INPP4B: variants seen among roughly 807,000 people sequenced by gnomAD.
The protein encoded by INPP4B is inositol polyphosphate 4-phosphatase type II.
In INPP4B, 55 loss-of-function variants were observed where a neutral mutation model predicts 122.5. The ratio of observed to expected loss-of-function variants is 0.45; its 90% CI spans 0.36 to 0.56. The LOEUF (loss-of-function observed/expected upper bound fraction) is 0.56, where lower values mean the gene tolerates loss of function less well. INPP4B is among the 20% of genes least tolerant of loss of function. The pLI is 0.00. For missense variants in INPP4B, 1,000 were observed against 1,097.7 expected (o/e 0.91, Z 1.26); for synonymous variants, 403 against 388.7 (o/e 1.04, Z -0.43).
chr4:142,607,078 T>C (rs193283355), intron 2 of INPP4B, among the ~76,000 whole-genome samples: 2 of 152,034 alleles, frequency 1.3e-5, no homozygotes, highest in Admixed American at 1.3e-4. Flanking sequence ...ACATATATGG[T>C]ATTATAATGA....
chr4:142,597,614 G>A (rs1446586332), intron 2 of INPP4B, among the ~76,000 whole-genome samples: 1 of 152,114 alleles, frequency 6.6e-6, no homozygotes, highest in African/African-American at 2.4e-5. Flanking sequence ...CAGACATGCT[G>A]CATATAAATC....
intron 18 of INPP4B, among the ~76,000 whole-genome samples, chr4:142,136,160 C>A (rs893641984): frequency 1.9e-4 from 29 of 152,094 alleles, no homozygotes; most frequent in Non-Finnish European, 2.9e-5. Context: ...GAGTACAGAG[C>A]CTCAAAGGCA....
intron 12 of INPP4B, among the ~76,000 whole-genome samples, chr4:142,230,732 A>G (rs2149838682): frequency 6.6e-6 from 1 of 151,934 alleles, no homozygotes; most frequent in Admixed American, 6.6e-5. Flanking sequence ...TCTTTTATAA[A>G]TTTTCTATAT....
At chr4:142,651,031 A>G (rs995652737) in intron 2 of INPP4B, among the ~76,000 whole-genome samples, 2 of 152,244 alleles carry the variant, frequency 1.3e-5, no homozygotes, top group Admixed American at 1.3e-4. Flanking sequence ...CTCTCAGAAC[A>G]GAGTGCAATC....
intron 9 of INPP4B, 69 bp downstream of exon 9, chr4:142,305,389 C>T: frequency 8.4e-7 from 1 of 1,192,408 alleles, no homozygotes; most frequent in Non-Finnish European, 1.2e-6. Context: ...GACTTTCAAA[C>T]ACACTGGCCA....
At chr4:142,323,748 CTTTT>C (rs200537355) in intron 7 of INPP4B, among the ~76,000 whole-genome samples, 1 of 143,252 alleles carries the variant, frequency 7.0e-6, no homozygotes, top group Admixed American at 7.0e-5. Context: ...CCCAGCAGAT[CTTTT>C]TTTTTTTTTT....
chr4:142,281,777 T>C (rs1751318055), intron 9 of INPP4B, among the ~76,000 whole-genome samples: 2 of 152,050 alleles, frequency 1.3e-5, no homozygotes, highest in Non-Finnish European at 2.9e-5. Context: ...TTATGCTTAA[T>C]TGCATTAGGA....
At position 142,383,878 on chromosome 4, in the gene INPP4B, A is replaced by C. The variant is rs1795051024; in HGVS notation, c.372+19060T>G. 3 of 514,368 alleles carry C rather than the reference A, an allele frequency of 5.8e-6. No homozygotes were observed. The Admixed American group carries it at 1.0e-4, about 18-fold the overall frequency. 31.9% of individuals were successfully genotyped at this position (514,368 alleles called of 1,614,324 possible). On this transcript the variant is annotated intron_variant, in intron 7 of 25. Transcript: ENST00000262992. ...TTTGAATAATATCCGGGTGGCGGGA[A>C]CACAGGTGTGAGCTTATTATTCATG... is the stretch of plus-strand genomic sequence containing the variant.
At chr4:142,255,598 C>A (rs539571033) in intron 11 of INPP4B, among the ~76,000 whole-genome samples, 10 of 151,930 alleles carry the variant, frequency 6.6e-5, no homozygotes, top group East Asian at 1.9e-4. Flanking sequence ...AGACCAAAAG[C>A]GACAAAGAAG....
chr4:142,503,360 C>A (rs983789832), intron 2 of INPP4B, among the ~76,000 whole-genome samples: 8 of 151,932 alleles, frequency 5.3e-5, no homozygotes, highest in Non-Finnish European at 1.2e-4. Context: ...TTTTAAAAAG[C>A]CTTTATCTTC....
At chr4:142,750,290 A>T (rs1320730357) in intron 1 of INPP4B, among the ~76,000 whole-genome samples, 1 of 152,142 alleles carries the variant, frequency 6.6e-6, no homozygotes, top group East Asian at 1.9e-4. Flanking sequence ...CACAAAGCAG[A>T]TGAACTAATG....
At chr4:142,518,161 G>A (rs1376268575) in intron 2 of INPP4B, among the ~76,000 whole-genome samples, 1 of 151,872 alleles carries the variant, frequency 6.6e-6, no homozygotes, top group East Asian at 1.9e-4. Flanking sequence ...AATCTCTTGG[G>A]GGCACTCCTG....
intron 2 of INPP4B, among the ~76,000 whole-genome samples, chr4:142,545,587 T>C (rs762231319): frequency 1.2e-4 from 18 of 151,968 alleles, no homozygotes; most frequent in Non-Finnish European, 1.9e-4. Flanking sequence ...ATCCATCCTC[T>C]AGTTCTCAGA....
intron 1 of INPP4B, among the ~76,000 whole-genome samples, chr4:142,807,072 G>C (rs965395655): frequency 2.0e-5 from 3 of 152,090 alleles, no homozygotes; most frequent in Admixed American, 1.3e-4. Flanking sequence ...TAAATTTTTT[G>C]TGTTTGTAAG....
Position 142,556,416 on chromosome 4 carries a change from G to A in INPP4B, c.-190-93690C>T, listed in dbSNP as rs966022632. The stretch of plus-strand genomic sequence containing the variant: ...AGAAAAACTGTTATTTTTAAAATGA[G>A]GACATGGGTTAGAATTATGGTAATT... On this transcript the variant is annotated intron_variant, in intron 2 of 25. Transcript: ENST00000262992. Among the ~76,000 whole-genome samples, 26 of 152,132 alleles carry A rather than the reference G, an allele frequency of 1.7e-4. 1 individual carries two copies. The highest frequency in any genetic ancestry group is 6.3e-4 in the African/African-American group (26 of 41,412).
At chr4:142,707,176 CAGA>C (rs1345392428) in intron 2 of INPP4B, among the ~76,000 whole-genome samples, 1 of 152,204 alleles carries the variant, frequency 6.6e-6, no homozygotes, top group Non-Finnish European at 1.5e-5. Context: ...TTACTCTCAG[CAGA>C]AGATCCTAAT....
Position 142,305,439 on chromosome 4 carries a change from T to C in INPP4B, c.503+19A>G, listed in dbSNP as rs969700254. Reference sequence around the variant, plus strand: ...TTGTTATTAACTTTAACAGTATTTCTACAAACAAAGAGACCCACCTCAGGC... The same window carrying C: ...TTGTTATTAACTTTAACAGTATTTCCACAAACAAAGAGACCCACCTCAGGC... On this transcript the variant is annotated intron_variant, in intron 9 of 25. Coordinates refer to ENST00000262992, the MANE Select transcript of INPP4B (RefSeq NM_001101669.3). 1 of 1,578,182 alleles carries C rather than the reference T, an allele frequency of 6.3e-7. No homozygotes were observed. The highest frequency in any genetic ancestry group is 8.7e-7 in the Non-Finnish European group (1 of 1,153,054).
chr4:142,600,388 T>C lies in INPP4B; in HGVS notation c.-191+125451A>G, dbSNP rs374641183. Among the ~76,000 whole-genome samples, 30 of 152,210 alleles carry C rather than the reference T, an allele frequency of 2.0e-4. No individual in the cohort carries two copies. The East Asian group carries it at 5.4e-3, about 27-fold the overall frequency. On this transcript the variant is annotated intron_variant, in intron 2 of 25. Coordinates refer to ENST00000262992, the MANE Select transcript of INPP4B (RefSeq NM_001101669.3). ...ATCAAGCAAAATTATCCTTCACACA[T>C]AAAAAGAAATACTCTTTCACAGATG...
intron 14 of INPP4B, among the ~76,000 whole-genome samples, chr4:142,202,415 C>G (rs1459271265): frequency 6.6e-6 from 1 of 151,926 alleles, no homozygotes; most frequent in African/African-American, 2.4e-5. Context: ...ATTGCAAAAG[C>G]CTTTAGGGAT....
Sources: gnomAD v4.1 joint callset for allele counts (sites outside exome capture counted in the v4.1 genomes callset) on GRCh38, gnomAD v4.1.1 for gene constraint, MANE v1.5 for transcripts, NCBI Gene and HGNC (gene_info 2026-07-23, HGNC 2026-07-21) for gene names.